The following CTNNA2 variants were observed in gnomAD, a reference collection of about 807,000 sequenced individuals.
CTNNA2 encodes catenin alpha 2.
In CTNNA2, 42 loss-of-function variants were observed where a neutral mutation model predicts 101.0. That is an observed-to-expected ratio of 0.42 (90% CI 0.32 to 0.54). CTNNA2 has a LOEUF of 0.54. CTNNA2 is among the 20% of genes least tolerant of loss of function. The probability of loss-of-function intolerance (pLI) is 0.14; values close to 1 mark genes in which losing one functional copy is unlikely to be tolerated. For missense variants in CTNNA2, 871 were observed against 1,223.1 expected (o/e 0.71, Z 4.29); for synonymous variants, 450 against 456.4 (o/e 0.99, Z 0.18).
intron 1 of CTNNA2, among the ~76,000 whole-genome samples, chr2:79,595,090 C>T (rs990981822): frequency 2.0e-5 from 3 of 152,052 alleles, no homozygotes; most frequent in African/African-American, 2.4e-5. Flanking sequence ...TTAGTCCACT[C>T]GGACTCTCTT....
intron 7 of CTNNA2, among the ~76,000 whole-genome samples, chr2:80,250,925 C>CACCCAAT (rs1671717905): frequency 6.6e-6 from 1 of 152,166 alleles, no homozygotes; most frequent in Non-Finnish European, 1.5e-5. Flanking sequence ...TCTCCCCAGA[C>CACCCAAT]ACCCAATACA....
chr2:80,610,963 C>A (rs1436934595), intron 17 of CTNNA2, among the ~76,000 whole-genome samples: 2 of 151,122 alleles, frequency 1.3e-5, no homozygotes, highest in African/African-American at 4.9e-5. Flanking sequence ...ATCCACACAA[C>A]TGCTATCTAA....
chr2:79,985,683 TG>T (rs1691707712), intron 7 of CTNNA2, among the ~76,000 whole-genome samples: 1 of 152,166 alleles, frequency 6.6e-6, no homozygotes, highest in African/African-American at 2.4e-5. Context: ...TTAACGTCAA[TG>T]GAAACAGACA....
Position 80,497,925 on chromosome 2 carries a change from T to C in CTNNA2, c.1291-47057T>C, listed in dbSNP as rs1157526834. ...TGAGATCAGACCATGGCTGACACCTTAATTTCAGCCTCATGAAACCCTGTT... is the reference window on the plus strand; with the variant it reads ...TGAGATCAGACCATGGCTGACACCTCAATTTCAGCCTCATGAAACCCTGTT... On this transcript the variant is annotated intron_variant, in intron 9 of 18. Coordinates refer to ENST00000402739, the MANE Select transcript of CTNNA2 (RefSeq NM_001282597.3). Among the ~76,000 whole-genome samples the C allele has an allele frequency of 1.3e-5, 2 of 152,156 alleles. 1 individual carries two copies. The highest frequency in any genetic ancestry group is 3.9e-4 in the East Asian group (2 of 5,188).
intron 7 of CTNNA2, among the ~76,000 whole-genome samples, chr2:80,257,704 T>G (rs1672282853): frequency 1.3e-5 from 2 of 152,170 alleles, no homozygotes; most frequent in South Asian, 4.1e-4. Context: ...GTGATTATTT[T>G]CTCCTCAAGC....
Position 80,419,577 on chromosome 2 carries a change from T to C in CTNNA2, c.1266T>C (p.Arg422=), listed in dbSNP as rs771019987. 1 of 1,613,774 alleles carries C rather than the reference T, an allele frequency of 6.2e-7. No homozygotes were observed. The highest frequency in any genetic ancestry group is 1.7e-5 in the Admixed American group (1 of 60,008). Residue 422 remains arginine, a synonymous_variant, in exon 9 of 19, where the codon CGT becomes CGC. Transcript: ENST00000402739. ...TGAAAGAATATGCCCAAGTTTTCCG[T>C]GAGCATGCCAACAAACTGGTAGAGG... ...KEVKEYAQVF[R]EHANKLVEVA...
chr2:80,647,895 GCTTTTTCTTTCTTTTCTTTCTTT>G lies in CTNNA2; in HGVS notation c.*34_*56del, dbSNP rs761652672. ...TAGGACGATAGGTTTTAACAAGAAA[GCTTTTTCTTTCTTTTCTTTCTTT>G]CTTTTTCTTTTTAATTCCATTTTTG... is the stretch of plus-strand genomic sequence containing the variant. On this transcript the variant is annotated 3_prime_UTR_variant, in exon 19 of 19. Coordinates refer to ENST00000402739, the MANE Select transcript of CTNNA2 (RefSeq NM_001282597.3). 20 of 1,533,804 alleles carry G rather than the reference GCTTTTTCTTTCTTTTCTTTCTTT, an allele frequency of 1.3e-5. No homozygotes were observed. Among genetic ancestry groups the G allele is most frequent in the African/African-American group, 7.0e-5 (5 of 71,518 alleles).
At chr2:79,514,020 C>A (rs879459913) in intron 1 of CTNNA2, among the ~76,000 whole-genome samples, 10 of 152,238 alleles carry the variant, frequency 6.6e-5, no homozygotes, top group African/African-American at 2.4e-4. Context: ...TTTCAAACCA[C>A]CCGCCTCATA....
At chr2:80,641,454 A>C (rs1253410412) in intron 18 of CTNNA2, among the ~76,000 whole-genome samples, 1 of 152,286 alleles carries the variant, frequency 6.6e-6, no homozygotes, top group Non-Finnish European at 1.5e-5. Flanking sequence ...CAGAACACAC[A>C]GTCAAATCCT....
intron 9 of CTNNA2, among the ~76,000 whole-genome samples, chr2:80,455,244 G>C (rs1335568680): frequency 6.6e-6 from 1 of 152,202 alleles, no homozygotes; most frequent in African/African-American, 2.4e-5. Context: ...TGTCAAGAAA[G>C]AAAGCTTGTC....
chr2:80,412,986 C>T (rs1375407281), intron 8 of CTNNA2, among the ~76,000 whole-genome samples: 1 of 152,124 alleles, frequency 6.6e-6, no homozygotes, highest in Non-Finnish European at 1.5e-5. Flanking sequence ...TCACAGAGGG[C>T]AGGCACTACA....
chr2:80,380,765 G>A (rs927506842), intron 7 of CTNNA2, among the ~76,000 whole-genome samples: 1 of 152,202 alleles, frequency 6.6e-6, no homozygotes, highest in African/African-American at 2.4e-5. Context: ...CTCAGTGTAT[G>A]ACTGGATGTA....
intron 2 of CTNNA2, among the ~76,000 whole-genome samples, chr2:79,707,228 C>G (rs937707334): frequency 4.6e-5 from 7 of 152,130 alleles, no homozygotes; most frequent in Non-Finnish European, 8.8e-5. Flanking sequence ...ACTGGTACCC[C>G]CTCCTACTAA....
At chr2:80,466,178 C>A (rs1447506360) in intron 9 of CTNNA2, among the ~76,000 whole-genome samples, 1 of 152,040 alleles carries the variant, frequency 6.6e-6, no homozygotes, top group East Asian at 1.9e-4. Flanking sequence ...GGCATTCTAG[C>A]GTATAAAGTA....
intron 7 of CTNNA2, among the ~76,000 whole-genome samples, chr2:80,382,969 T>C (rs1235036083): frequency 6.6e-6 from 1 of 152,260 alleles, no homozygotes; most frequent in Non-Finnish European, 1.5e-5. Flanking sequence ...TTTGCACTTT[T>C]GCCTTAACTA....
chr2:80,484,863 G>A (rs1195344118), intron 9 of CTNNA2, among the ~76,000 whole-genome samples: 7 of 151,990 alleles, frequency 4.6e-5, no homozygotes, highest in African/African-American at 4.8e-5. Context: ...AAAATTAGCC[G>A]GGCAAGGTGG....
At chr2:79,367,041 G>A (rs900860364) in intron 3 of CTNNA2, among the ~76,000 whole-genome samples, 10 of 152,266 alleles carry the variant, frequency 6.6e-5, no homozygotes, top group Non-Finnish European at 1.0e-4. Context: ...TGGAGCCTTT[G>A]AGAGTTAATT....
chr2:79,421,668 G>T (rs1381670041), intron 4 of CTNNA2, among the ~76,000 whole-genome samples: 1 of 152,048 alleles, frequency 6.6e-6, no homozygotes, highest in Non-Finnish European at 1.5e-5. Flanking sequence ...TTAGAAATTA[G>T]TATTGTCAAG....
At chr2:80,376,849 T>A (rs112798170) in intron 7 of CTNNA2, among the ~76,000 whole-genome samples, 3 of 152,230 alleles carry the variant, frequency 2.0e-5, no homozygotes, top group African/African-American at 2.4e-5. Flanking sequence ...CCACTCTTGA[T>A]GCTTGGGGGA....
Sources: gnomAD v4.1 joint callset for allele counts (sites outside exome capture counted in the v4.1 genomes callset) on GRCh38, gnomAD v4.1.1 for gene constraint, MANE v1.5 for transcripts, NCBI Gene and HGNC (gene_info 2026-07-23, HGNC 2026-07-21) for gene names.